NOL4: variants seen among roughly 807,000 people sequenced by gnomAD.
NOL4 encodes cancer/testis antigen 125.
NOL4 carries 17 observed loss-of-function variants against 75.9 expected under a neutral mutation model. That is an observed-to-expected ratio of 0.22 (90% CI 0.15 to 0.34). The LOEUF is 0.34. Ranked by LOEUF, NOL4 falls within the 10% of genes least tolerant of loss-of-function variation. The pLI is 1.00. For synonymous variants in NOL4, 292 were observed against 289.9 expected (o/e 1.01, Z -0.07); for missense variants, 614 against 793.5 (o/e 0.77, Z 2.72).
chr18:33,860,122 T>A (rs187002427), intron 10 of NOL4, among the ~76,000 whole-genome samples: 3 of 151,880 alleles, frequency 2.0e-5, no homozygotes, highest in African/African-American at 4.8e-5. Context: ...TATAAAACTA[T>A]CAGATCTTGT....
chr18:33,887,038 A>ATATCTAGATC (rs1395788075), intron 9 of NOL4, among the ~76,000 whole-genome samples: 2 of 135,210 alleles, frequency 1.5e-5, no homozygotes, highest in African/African-American at 5.7e-5. Context: ...TAGATATATT[A>ATATCTAGATC]TATCTAGATC....
chr18:33,968,816 A>G (rs779087104), intron 6 of NOL4, among the ~76,000 whole-genome samples: 1 of 152,148 alleles, frequency 6.6e-6, no homozygotes, highest in African/African-American at 2.4e-5. Context: ...AGCAACACAA[A>G]TGCAAAAATA....
rs1568119171 is a variant in NOL4 at position 33,953,388 on chromosome 18, G to GA, written c.1428+3937dup. On this transcript the variant is annotated intron_variant, in intron 8 of 10. Coordinates refer to ENST00000261592, the MANE Select transcript of NOL4 (RefSeq NM_003787.5). ...GCCTCTGCCTAGGCATAATGTGTGT[G>GA]AAGAGGGTAAGAGGAAAGTAGGGAG... Among the ~76,000 whole-genome samples the GA allele has an allele frequency of 2.0e-5, 3 of 152,064 alleles. No homozygotes were observed. The South Asian group carries it at 6.2e-4, about 32-fold the overall frequency.
intron 1 of NOL4, among the ~76,000 whole-genome samples, chr18:34,196,779 AG>A (rs1258010730): frequency 6.6e-6 from 1 of 152,050 alleles, no homozygotes; most frequent in East Asian, 1.9e-4. Context: ...CTACACTTAA[AG>A]GTTCAAGAAA....
intron 1 of NOL4, among the ~76,000 whole-genome samples, chr18:34,187,370 C>CTTTTTTTTTTTT (rs545524361): frequency 1.3e-5 from 1 of 78,352 alleles, no homozygotes; most frequent in Non-Finnish European, 2.3e-5. Flanking sequence ...TAGTCCACTT[C>CTTTTTTTTTTTT]TTTTTTTTTT....
chr18:34,029,519 A>G (rs1005387145), intron 5 of NOL4, among the ~76,000 whole-genome samples: 1 of 152,202 alleles, frequency 6.6e-6, no homozygotes, highest in African/African-American at 2.4e-5. Context: ...GGCTTTCTCC[A>G]GATGATCTAT....
At chr18:34,006,679 G>T (rs2074046394) in intron 6 of NOL4, among the ~76,000 whole-genome samples, 1 of 151,894 alleles carries the variant, frequency 6.6e-6, no homozygotes, top group African/African-American at 2.4e-5. Flanking sequence ...TCTAATCAAG[G>T]GACTCAATTT....
intron 10 of NOL4, among the ~76,000 whole-genome samples, chr18:33,858,968 T>C (rs2062965449): frequency 6.6e-6 from 1 of 152,108 alleles, no homozygotes; most frequent in Non-Finnish European, 1.5e-5. Flanking sequence ...ATATTAATTT[T>C]ATACTGTTTA....
At chr18:33,879,873 G>T (rs1187151565) in intron 10 of NOL4, among the ~76,000 whole-genome samples, 1 of 151,838 alleles carries the variant, frequency 6.6e-6, no homozygotes, top group Non-Finnish European at 1.5e-5. Context: ...TTTGAAATAG[G>T]TTCCTAAGAG....
At chr18:33,973,770 G>A (rs1388877454) in intron 6 of NOL4, among the ~76,000 whole-genome samples, 1 of 152,182 alleles carries the variant, frequency 6.6e-6, no homozygotes. Flanking sequence ...TGACCAGTAA[G>A]TCTCAATAGT....
intron 1 of NOL4, among the ~76,000 whole-genome samples, chr18:34,143,483 A>G (rs2081270679): frequency 6.6e-6 from 1 of 152,132 alleles, no homozygotes; most frequent in Non-Finnish European, 1.5e-5. Context: ...ACAACTTTTG[A>G]ATACTTTTCT....
rs1299038190 is a variant in NOL4, at chr18:33,978,586, T to A, written c.1057-20168A>T. On this transcript the variant is annotated intron_variant, in intron 6 of 10. Coordinates refer to ENST00000261592, the MANE Select transcript of NOL4 (RefSeq NM_003787.5). ...GCACCCAAGATATTCTGGGTTTGTTTATTAAGTATTAATTTAGATGTATAA... is the reference window on the plus strand; with the variant it reads ...GCACCCAAGATATTCTGGGTTTGTTAATTAAGTATTAATTTAGATGTATAA... Among the ~76,000 whole-genome samples, 5 of 152,204 alleles carry A rather than the reference T, an allele frequency of 3.3e-5. No homozygotes were observed. In the East Asian group the frequency reaches 9.7e-4, roughly 29 times the overall value.
At chr18:33,916,535 T>G (rs2066731943) in intron 9 of NOL4, among the ~76,000 whole-genome samples, 1 of 152,114 alleles carries the variant, frequency 6.6e-6, no homozygotes, top group South Asian at 2.1e-4. Flanking sequence ...GAACCACAAG[T>G]ATAAATTAAT....
intron 9 of NOL4, among the ~76,000 whole-genome samples, chr18:33,889,399 G>A (rs1301333229): frequency 6.6e-6 from 1 of 151,982 alleles, no homozygotes; most frequent in South Asian, 2.1e-4. Flanking sequence ...ACCAAAAAAA[G>A]TCCTGGACCA....
intron 7 of NOL4, among the ~76,000 whole-genome samples, chr18:33,957,810 G>A (rs1314172045): frequency 6.6e-6 from 1 of 152,106 alleles, no homozygotes; most frequent in Non-Finnish European, 1.5e-5. Flanking sequence ...TGACAATTGA[G>A]CACCCCTTTA....
At chr18:34,025,308 C>T (rs1352171256) in intron 5 of NOL4, among the ~76,000 whole-genome samples, 3 of 152,084 alleles carry the variant, frequency 2.0e-5, no homozygotes, top group Non-Finnish European at 4.4e-5. Context: ...AAAGGATAAA[C>T]TTAATTACCT....
At chr18:33,863,334 A>G (rs1014867952) in intron 10 of NOL4, among the ~76,000 whole-genome samples, 71 of 152,090 alleles carry the variant, frequency 4.7e-4, no homozygotes, top group Admixed American at 9.2e-4. Flanking sequence ...TGATGAGTTA[A>G]TGGGTGCAGC....
intron 1 of NOL4, among the ~76,000 whole-genome samples, chr18:34,209,688 A>T (rs1223483756): frequency 1.3e-5 from 2 of 152,200 alleles, no homozygotes; most frequent in African/African-American, 4.8e-5. Flanking sequence ...ATAAAACCTA[A>T]GATTACTTAA....
At chr18:33,988,620 T>G (rs1049991948) in intron 6 of NOL4, among the ~76,000 whole-genome samples, 1 of 151,962 alleles carries the variant, frequency 6.6e-6, no homozygotes, top group Admixed American at 6.6e-5. Flanking sequence ...CTCAACCCAG[T>G]ATAGATGATG....
Sources: allele counts gnomAD v4.1 joint callset (sites outside exome capture counted in the v4.1 genomes callset), GRCh38; gene constraint gnomAD v4.1.1; transcripts MANE v1.5; gene names NCBI Gene and HGNC (gene_info 2026-07-23, HGNC 2026-07-21).